Variants in GNAO1 observed in about 807,000 individuals in gnomAD.
GNAO1 encodes the protein guanine nucleotide-binding protein G(o) subunit alpha.
For missense variants in GNAO1, 166 were observed against 478.7 expected (o/e 0.35, Z 6.10); for synonymous variants, 164 against 180.7 (o/e 0.91, Z 0.74).
intron 2 of GNAO1, chr16:56,194,615 C>A (rs893872950): frequency 3.4e-5 from 6 of 175,622 alleles, no homozygotes; most frequent in Non-Finnish European, 6.1e-5. Context: ...GGTGCTCCGG[C>A]GGAGAGAGCC....
intron 2 of GNAO1, among the ~76,000 whole-genome samples, chr16:56,216,664 A>T (rs1204914209): frequency 6.6e-6 from 1 of 152,246 alleles, no homozygotes; most frequent in Non-Finnish European, 1.5e-5. Context: ...AATGGATGTG[A>T]AAGTCTCACA....
intron 3 of GNAO1, among the ~76,000 whole-genome samples, chr16:56,287,064 C>CAAG (rs1219084134): frequency 2.6e-5 from 4 of 152,324 alleles, no homozygotes; most frequent in Non-Finnish European, 4.4e-5. Flanking sequence ...CACTGCTGCT[C>CAAG]CCATGGCAGC....
chr16:56,345,426 C>T (rs2037856571), intron 6 of GNAO1: 8 of 985,720 alleles, frequency 8.1e-6, no homozygotes, highest in Non-Finnish European at 9.6e-6. Context: ...CCACTTGCAG[C>T]CCCCGGACTG....
At chr16:56,325,537 G>T (rs71387116) in intron 3 of GNAO1, among the ~76,000 whole-genome samples, 2 of 152,152 alleles carry the variant, frequency 1.3e-5, no homozygotes, top group East Asian at 3.9e-4. Flanking sequence ...TGGAGAGCCC[G>T]TGAAATCGGG....
intron 6 of GNAO1, among the ~76,000 whole-genome samples, chr16:56,349,235 A>G (rs1432619689): frequency 6.6e-6 from 1 of 152,154 alleles, no homozygotes; most frequent in Non-Finnish European, 1.5e-5. Context: ...AGGTCACTCT[A>G]GTGGCTGCTC....
In GNAO1 at chr16:56,239,780, C is replaced by T. The variant is rs116930008; in HGVS notation, c.162-36151C>T. ...TAAATGTCATTGTTATCACTGGAGC[C>T]TCAGCTATGGTTGTCTTTCCCAAGC... On this transcript the variant is annotated intron_variant, in intron 2 of 8. Transcript: ENST00000262493. Among the ~76,000 whole-genome samples the T allele has an allele frequency of 9.9e-3, 1,505 of 152,316 alleles. 50 individuals are homozygous for T. The highest frequency in any genetic ancestry group is 0.07 in the South Asian group (338 of 4,820).
At chr16:56,247,873 A>G (rs1389713174) in intron 2 of GNAO1, among the ~76,000 whole-genome samples, 1 of 152,314 alleles carries the variant, frequency 6.6e-6, no homozygotes, top group Non-Finnish European at 1.5e-5. Context: ...TAATCCCTAC[A>G]TTAGGATATT....
chr16:56,276,136 T>G (rs1433685032), intron 3 of GNAO1, 64 bp downstream of exon 3: 3 of 1,416,742 alleles, frequency 2.1e-6, no homozygotes, highest in Admixed American at 1.9e-5. Flanking sequence ...CACTGCCTCC[T>G]CTTTATAGTG....
chr16:56,244,300 A>G (rs532831001), intron 2 of GNAO1, among the ~76,000 whole-genome samples: 1 of 152,162 alleles, frequency 6.6e-6, no homozygotes, highest in Admixed American at 6.5e-5. Context: ...CTTAGGCTGG[A>G]TAAAAGAGGG....
intron 2 of GNAO1, among the ~76,000 whole-genome samples, chr16:56,267,428 C>T (rs1398710610): frequency 6.6e-5 from 10 of 152,136 alleles, no homozygotes; most frequent in Non-Finnish European, 1.0e-4. Context: ...CCGGCCAGCA[C>T]GTGAGCTGCC....
rs3790102 is a variant in GNAO1 at position 56,315,522 on chromosome 16, G to C, written c.304-13109G>C. Among the ~76,000 whole-genome samples the C allele has an allele frequency of 8.6e-4, 131 of 152,286 alleles. 4 individuals carry two copies. In the East Asian group the frequency reaches 0.022, roughly 26 times the overall value. On this transcript the variant is annotated intron_variant, in intron 3 of 8. Transcript: ENST00000262493. ...CTGCTTGGTGGTGCAGCTATCCAGA[G>C]AGCCCCCATCCAGGAGAGATACCCA...
chr16:56,299,694 A>G (rs542281570), intron 3 of GNAO1, among the ~76,000 whole-genome samples: 1 of 152,350 alleles, frequency 6.6e-6, no homozygotes, highest in Non-Finnish European at 1.5e-5. Context: ...TTTATGTGGA[A>G]CTGAGCTTTT....
chr16:56,191,979 C>A lies in GNAO1; in HGVS notation c.-257C>A. 1.9e-6 allele frequency: 1 copy of A among 535,870 alleles called. No individual in the cohort carries two copies. 33.2% of individuals were successfully genotyped at this position (535,870 alleles called of 1,614,324 possible). ...GCGCCTCCTCCCTTGGCTCCGGAGC[C>A]CCAGACCCCGGCCACCCTCGATTCG... On this transcript the variant is annotated 5_prime_UTR_variant, in exon 1 of 9. Coordinates refer to ENST00000262493, the MANE Select transcript of GNAO1 (RefSeq NM_020988.3). This position sits in a 1 kb window ranked among gnomAD's most constrained non-coding sequence, Gnocchi z 4.7.
chr16:56,228,450 C>CATAT (rs1360812498), intron 2 of GNAO1, among the ~76,000 whole-genome samples: 1 of 149,340 alleles, frequency 6.7e-6, no homozygotes, highest in Non-Finnish European at 1.5e-5. Context: ...TATATATATA[C>CATAT]ATATATATTT....
At chr16:56,261,372 C>T (rs754805959) in intron 2 of GNAO1, among the ~76,000 whole-genome samples, 1 of 152,196 alleles carries the variant, frequency 6.6e-6, no homozygotes, top group Non-Finnish European at 1.5e-5. Context: ...CTCAAAGGCA[C>T]GTGTGCCAAG....
Position 56,356,686 on chromosome 16 carries a change from A to G in GNAO1, c.*612A>G, listed in dbSNP as rs2037971521. On this transcript the variant is annotated 3_prime_UTR_variant, in exon 9 of 9. Coordinates refer to ENST00000262493, the MANE Select transcript of GNAO1 (RefSeq NM_020988.3). Reference sequence around the variant, plus strand: ...CCAGTAGCTGCCAAAAAGAACACCCATCGTATAAGGAAATCCAGCCCCATA... The same window carrying G: ...CCAGTAGCTGCCAAAAAGAACACCCGTCGTATAAGGAAATCCAGCCCCATA... 1 of 152,328 alleles carries G rather than the reference A, an allele frequency of 6.6e-6. No individual in the cohort carries two copies. The allele number at this position is 152,328 out of a possible 1,614,324, so 9.4% of individuals were successfully genotyped here. A position where few individuals can be genotyped will look rare whatever the true frequency, so the allele number is the denominator to read the frequency against.
intron 2 of GNAO1, among the ~76,000 whole-genome samples, chr16:56,243,475 T>C (rs889565227): frequency 6.6e-6 from 1 of 151,988 alleles, no homozygotes; most frequent in Non-Finnish European, 1.5e-5. Flanking sequence ...AACTCAATAA[T>C]AAAAAAACAA....
At chr16:56,267,007 C>A (rs1234171291) in intron 2 of GNAO1, among the ~76,000 whole-genome samples, 1 of 152,176 alleles carries the variant, frequency 6.6e-6, no homozygotes. Context: ...GACCACTCTG[C>A]TTAGTCCTCA....
chr16:56,281,537 C>A (rs1346742138), intron 3 of GNAO1, among the ~76,000 whole-genome samples: 1 of 151,970 alleles, frequency 6.6e-6, no homozygotes, highest in Admixed American at 6.6e-5. Flanking sequence ...TCTCCCTTTC[C>A]CGCCTTCCCT....
Sources: allele counts gnomAD v4.1 joint callset (sites outside exome capture counted in the v4.1 genomes callset), GRCh38; gene constraint gnomAD v4.1.1; non-coding constraint Gnocchi (gnomAD v3.1); transcripts MANE v1.5; gene names NCBI Gene and HGNC (gene_info 2026-07-23, HGNC 2026-07-21).